VSTM2L: variants seen among roughly 807,000 people sequenced by gnomAD.
VSTM2L encodes V-set and transmembrane domain-containing protein 2-like protein.
VSTM2L carries 9 observed loss-of-function variants against 19.9 expected under a neutral mutation model. The observed-to-expected ratio is 0.45, with a 90% CI of 0.27 to 0.79. The LOEUF (loss-of-function observed/expected upper bound fraction) is 0.79, where lower values mean the gene tolerates loss of function less well. Ranked by LOEUF, VSTM2L falls within the 30% of genes least tolerant of loss-of-function variation. VSTM2L has a pLI of 0.15. For missense variants in VSTM2L, 286 were observed against 295.5 expected (o/e 0.97, Z 0.24); for synonymous variants, 127 against 133.8 (o/e 0.95, Z 0.35).
chr20:37,929,095 G>A (rs921657572), intron 1 of VSTM2L, among the ~76,000 whole-genome samples: 8 of 152,150 alleles, frequency 5.3e-5, no homozygotes, highest in Admixed American at 2.6e-4. Context: ...TTGAAGTGCC[G>A]GGTTTAAATG....
intron 3 of VSTM2L, 82 bp from the exon 4 acceptor site, chr20:37,943,899 G>A (rs56137848): frequency 2.3e-6 from 3 of 1,289,916 alleles, no homozygotes; most frequent in Non-Finnish European, 2.0e-6. Flanking sequence ...CCTAGCATGC[G>A]ATCTTGGGAC....
chr20:37,935,093 A>C (rs1426563765), intron 3 of VSTM2L, among the ~76,000 whole-genome samples: 1 of 152,160 alleles, frequency 6.6e-6, no homozygotes, highest in Admixed American at 6.5e-5. Context: ...CGGCTCTGGC[A>C]AAGGAGAGAA....
chr20:37,910,209 C>T (rs1219534799), intron 1 of VSTM2L, among the ~76,000 whole-genome samples: 2 of 152,224 alleles, frequency 1.3e-5, no homozygotes, highest in Non-Finnish European at 2.9e-5. Context: ...TGATTTCACA[C>T]ATATGATTGC....
chr20:37,921,069 T>A (rs1469794538), intron 1 of VSTM2L, among the ~76,000 whole-genome samples: 2 of 152,182 alleles, frequency 1.3e-5, no homozygotes, highest in East Asian at 3.8e-4. Flanking sequence ...ATCTGTCATA[T>A]AACACACTCC....
Position 37,937,221 on chromosome 20 carries a change from A to T in VSTM2L, c.342+3632A>T, listed in dbSNP as rs535873713. On this transcript the variant is annotated intron_variant, in intron 3 of 3. Coordinates refer to ENST00000373461, the MANE Select transcript of VSTM2L (RefSeq NM_080607.3). ...AGATCATTTACGTGGGAGGACAGGCATCTGTAATAAAATAATAATGATAAT... is the reference window on the plus strand; with the variant it reads ...AGATCATTTACGTGGGAGGACAGGCTTCTGTAATAAAATAATAATGATAAT... Among the ~76,000 whole-genome samples, 376 of 152,290 alleles carry T rather than the reference A, an allele frequency of 2.5e-3. 3 individuals are homozygous for T. Among genetic ancestry groups the T allele is most frequent in the Non-Finnish European group, 4.0e-3 (275 of 68,024 alleles).
intron 1 of VSTM2L, among the ~76,000 whole-genome samples, chr20:37,904,835 CT>C: frequency 6.6e-6 from 1 of 152,272 alleles, no homozygotes; most frequent in Non-Finnish European, 1.5e-5. Flanking sequence ...AGGGTCTCTG[CT>C]TTTTGGGAAC....
Position 37,944,133 on chromosome 20 carries a change from A to T in VSTM2L, c.495A>T (p.Pro165=). 1.9e-6 allele frequency: 3 copies of T among 1,610,162 alleles called. No individual in the cohort carries two copies. The highest frequency in any genetic ancestry group is 2.5e-6 in the Non-Finnish European group (3 of 1,178,096). ...TCAAGGCCTACCTGCGGGTGCAGCC[A>T]GGGGAGAACTCCGTCCTGCATCTGC... is the stretch of plus-strand genomic sequence containing the variant. The part of the protein sequence containing the change: ...HKVKAYLRVQ[P]GENSVLHLPE... Residue 165 remains proline, a synonymous_variant, in exon 4 of 4, where the codon CCA becomes CCT. Coordinates refer to ENST00000373461, the MANE Select transcript of VSTM2L (RefSeq NM_080607.3).
Position 37,931,711 on chromosome 20 carries a change from C to T in VSTM2L, c.198C>T (p.Gly66=). Reference sequence around the variant, plus strand: ...TGGAGATGGCCTGCTCCTTCCGCGGCAGCGGCTCCCCCTCCTACTCGCTGG... The same window carrying T: ...TGGAGATGGCCTGCTCCTTCCGCGGTAGCGGCTCCCCCTCCTACTCGCTGG... ...EDVEMACSFR[G]SGSPSYSLEI... The change falls in exon 2 of 4, where the codon GGC becomes GGT. Residue 66 remains glycine (G), a synonymous_variant. Coordinates refer to ENST00000373461, the MANE Select transcript of VSTM2L (RefSeq NM_080607.3). 6.2e-7 allele frequency: 1 copy of T among 1,613,780 alleles called. No homozygotes were observed. The highest frequency in any genetic ancestry group is 1.1e-5 in the South Asian group (1 of 91,086).
intron 1 of VSTM2L, among the ~76,000 whole-genome samples, chr20:37,917,474 G>A (rs79835541): frequency 0.012 from 1,847 of 152,318 alleles, 33 homozygotes; most frequent in African/African-American, 0.043. Flanking sequence ...AGGGAACAGC[G>A]GTTGTTGTGG....
intron 3 of VSTM2L, among the ~76,000 whole-genome samples, chr20:37,942,041 GA>G (rs1317072228): frequency 6.6e-6 from 1 of 151,600 alleles, no homozygotes; most frequent in African/African-American, 2.4e-5. Flanking sequence ...TTTTTTAATT[GA>G]AAAAACACCC....
At chr20:37,941,394 G>A (rs1312143761) in intron 3 of VSTM2L, among the ~76,000 whole-genome samples, 2 of 152,186 alleles carry the variant, frequency 1.3e-5, no homozygotes, top group Non-Finnish European at 2.9e-5. Context: ...GGCCCAGCAC[G>A]CGCAAAGGCC....
At position 37,933,477 on chromosome 20, in the gene VSTM2L, C is replaced by T; in HGVS notation, c.292-62C>T. ...TAATGTGTCTCCCCACACTGCCACCCCACCCCCACCCTGTGCTAACACCTT... is the reference window on the plus strand; with the variant it reads ...TAATGTGTCTCCCCACACTGCCACCTCACCCCCACCCTGTGCTAACACCTT... On this transcript the variant is annotated intron_variant, in intron 2 of 3. Coordinates refer to ENST00000373461, the MANE Select transcript of VSTM2L (RefSeq NM_080607.3). The T allele has an allele frequency of 5.6e-6, 7 of 1,252,032 alleles. No homozygotes were observed. The South Asian group carries it at 7.7e-5, about 14-fold the overall frequency. The allele number at this position is 1,252,032 out of a possible 1,614,324, so 77.6% of individuals were successfully genotyped here. A position where few individuals can be genotyped will look rare whatever the true frequency, so the allele number is the denominator to read the frequency against.
intron 1 of VSTM2L, among the ~76,000 whole-genome samples, chr20:37,927,054 T>C (rs1457339322): frequency 6.6e-6 from 1 of 152,218 alleles, no homozygotes; most frequent in Non-Finnish European, 1.5e-5. Flanking sequence ...CGCCTCCTCC[T>C]CCCGGGTTCA....
intron 3 of VSTM2L, among the ~76,000 whole-genome samples, chr20:37,934,233 G>C (rs995343271): frequency 3.9e-5 from 6 of 152,224 alleles, no homozygotes; most frequent in African/African-American, 1.4e-4. Context: ...GGCCAGTGCA[G>C]CTGGGGCCCA....
intron 1 of VSTM2L, among the ~76,000 whole-genome samples, chr20:37,931,164 G>T (rs1210953004): frequency 1.3e-5 from 2 of 152,174 alleles, no homozygotes; most frequent in Non-Finnish European, 2.9e-5. Flanking sequence ...CTAAGCAGGG[G>T]AGAGGCCACA....
chr20:37,904,863 C>T (rs1023101647), intron 1 of VSTM2L, among the ~76,000 whole-genome samples: 1 of 152,186 alleles, frequency 6.6e-6, no homozygotes, highest in Non-Finnish European at 1.5e-5. Flanking sequence ...TCCCCGCCCC[C>T]TTCTGCCTCA....
chr20:37,904,590 T>C (rs2072741015), intron 1 of VSTM2L, among the ~76,000 whole-genome samples: 2 of 152,214 alleles, frequency 1.3e-5, no homozygotes, highest in South Asian at 4.1e-4. Context: ...CTTTCTTCCA[T>C]GCAGCCCTTC....
intron 2 of VSTM2L, 68 bp from the exon 3 acceptor site, chr20:37,933,471 G>GCCCCCCCCCCC: frequency 1.6e-6 from 2 of 1,255,736 alleles, no homozygotes; most frequent in Non-Finnish European, 2.3e-6. Context: ...TCCCCACACT[G>GCCCCCCCCCCC]CCACCCCACC....
At chr20:37,923,551 C>T (rs150140478) in intron 1 of VSTM2L, among the ~76,000 whole-genome samples, 15 of 152,334 alleles carry the variant, frequency 9.8e-5, no homozygotes, top group African/African-American at 3.6e-4. Context: ...GGCCCTGAGG[C>T]TGGAGAAGAC....
Sources: gnomAD v4.1 joint callset for allele counts (sites outside exome capture counted in the v4.1 genomes callset) on GRCh38, gnomAD v4.1.1 for gene constraint, MANE v1.5 for transcripts, NCBI Gene and HGNC (gene_info 2026-07-23, HGNC 2026-07-21) for gene names.